The following SLC6A6 variants were observed in gnomAD, a reference collection of about 807,000 sequenced individuals.
The protein encoded by SLC6A6 is solute carrier family 6 member 6, also known as sodium- and chloride-dependent taurine transporter.
In SLC6A6, 16 loss-of-function variants were observed where a neutral mutation model predicts 68.8. The observed-to-expected ratio is 0.23, with a 90% CI of 0.16 to 0.35. The LOEUF (loss-of-function observed/expected upper bound fraction) is 0.35. SLC6A6 is among the 10% of genes least tolerant of loss of function. The pLI is 1.00. For missense variants in SLC6A6, 474 were observed against 802.8 expected, an observed-to-expected ratio of 0.59 and a Z score of 4.95; for synonymous variants, 312 against 315.4, an observed-to-expected ratio of 0.99 and a Z score of 0.12.
rs760135556 is a variant in SLC6A6 at position 14,450,030 on chromosome 3, G to A, written c.599+2214G>A. Among the ~76,000 whole-genome samples, 1 of 152,186 alleles carries A rather than the reference G, an allele frequency of 6.6e-6. No individual in the cohort carries two copies. The highest frequency in any genetic ancestry group is 1.5e-5 in the Non-Finnish European group (1 of 68,020). On this transcript the variant is annotated intron_variant, in intron 5 of 14. Transcript: ENST00000622186. The surrounding 1 kb of genome is among the most constrained non-coding windows in gnomAD (Gnocchi z 4.1). ...CTCCCAAAGTGCTGGGATTACAGGC[G>A]TGAGCCACTGTGCCTGGCCAGAATC...
intron 2 of SLC6A6, among the ~76,000 whole-genome samples, chr3:14,424,975 C>T (rs1699561172): frequency 6.6e-6 from 1 of 152,200 alleles, no homozygotes; most frequent in African/African-American, 2.4e-5. Flanking sequence ...TGTGGCAGAT[C>T]TGGAGCCCAG....
At chr3:14,416,875 A>C (rs1289858037) in intron 2 of SLC6A6, among the ~76,000 whole-genome samples, 1 of 152,126 alleles carries the variant, frequency 6.6e-6, no homozygotes, top group Admixed American at 6.5e-5. Context: ...ACAGGGTCAC[A>C]CTCTGTCGCC....
At chr3:14,440,623 G>A (rs560216879) in intron 2 of SLC6A6, among the ~76,000 whole-genome samples, 19 of 152,286 alleles carry the variant, frequency 1.2e-4, no homozygotes, top group Non-Finnish European at 2.2e-4. Flanking sequence ...GATCAGGGGC[G>A]GGCAGAGTAG....
rs551328494 is a variant in SLC6A6 at position 14,427,002 on chromosome 3, T to C, written c.-12+10549T>C. Reference sequence around the variant, plus strand: ...CAGAGCGTTCTTATGTGGTGTACTTTCCTGGAAAACACAGCCTCCCAGCAC... The same window carrying C: ...CAGAGCGTTCTTATGTGGTGTACTTCCCTGGAAAACACAGCCTCCCAGCAC... On this transcript the variant is annotated intron_variant, in intron 2 of 14. Transcript: ENST00000622186. Among the ~76,000 whole-genome samples, 51 of 152,242 alleles carry C rather than the reference T, an allele frequency of 3.3e-4. 1 individual carries two copies. The highest frequency in any genetic ancestry group is 5.5e-4 in the African/African-American group (23 of 41,520).
chr3:14,412,383 G>A (rs920793830), intron 1 of SLC6A6, among the ~76,000 whole-genome samples: 4 of 152,122 alleles, frequency 2.6e-5, no homozygotes, highest in African/African-American at 4.8e-5. Context: ...TTTAAAAAAA[G>A]AAAAGCAAAA....
chr3:14,409,565 G>A (rs149194895), intron 1 of SLC6A6, among the ~76,000 whole-genome samples: 106 of 152,372 alleles, frequency 7.0e-4, no homozygotes, highest in African/African-American at 2.3e-3. Flanking sequence ...CACGGCAAAC[G>A]TTCATGAGTG....
chr3:14,409,963 G>A (rs569835513), intron 1 of SLC6A6, among the ~76,000 whole-genome samples: 106 of 152,234 alleles, frequency 7.0e-4, no homozygotes, highest in African/African-American at 1.4e-3. Context: ...CCAGGCGGGC[G>A]GATCACGAGG....
At position 14,450,175 on chromosome 3, in the gene SLC6A6, C is replaced by T. The variant is rs775208774; in HGVS notation, c.599+2359C>T. 1.3e-5 allele frequency among the ~76,000 whole-genome samples: 2 copies of T among 152,062 alleles called. No individual in the cohort carries two copies. The highest frequency in any genetic ancestry group is 4.8e-5 in the African/African-American group (2 of 41,406). On this transcript the variant is annotated intron_variant, in intron 5 of 14. Transcript: ENST00000622186. The surrounding 1 kb of genome is among the most constrained non-coding windows in gnomAD (Gnocchi z 4.1). ...TAAAGGGGTCATCCTCTTCTGGGCT[C>T]TGCTTGTCTCGCTGTTGTCTAGGAC...
intron 2 of SLC6A6, among the ~76,000 whole-genome samples, chr3:14,425,036 C>T (rs1047595026): frequency 1.3e-5 from 2 of 152,236 alleles, no homozygotes; most frequent in African/African-American, 2.4e-5. Context: ...TAAGAAGGGG[C>T]GGAGTCAAGG....
chr3:14,452,534 C>T (rs1038372669), intron 5 of SLC6A6, among the ~76,000 whole-genome samples: 2 of 152,182 alleles, frequency 1.3e-5, no homozygotes, highest in Admixed American at 6.5e-5. Flanking sequence ...GCCCAGAGCC[C>T]GGGCCAGGCT....
intron 2 of SLC6A6, among the ~76,000 whole-genome samples, chr3:14,422,648 C>G (rs1046007483): frequency 6.6e-6 from 1 of 152,154 alleles, no homozygotes; most frequent in African/African-American, 2.4e-5. Flanking sequence ...CACCCCCACC[C>G]TCCTCCCAGC....
intron 3 of SLC6A6, chr3:14,444,879 G>A (rs1256807697): frequency 2.2e-6 from 1 of 454,766 alleles, no homozygotes; most frequent in East Asian, 7.0e-5. Context: ...AGGATCCCCT[G>A]CCCCAATGCT....
intron 6 of SLC6A6, among the ~76,000 whole-genome samples, chr3:14,459,883 CTTTTTTTTTTT>C (rs869191764): frequency 1.2e-4 from 5 of 40,178 alleles, no homozygotes; most frequent in African/African-American, 4.8e-4. Flanking sequence ...TAATTCTCTT[CTTTTTTTTTTT>C]TTTTTTTTTT....
chr3:14,454,031 C>T (rs1700312011), intron 5 of SLC6A6, among the ~76,000 whole-genome samples: 3 of 152,204 alleles, frequency 2.0e-5, no homozygotes, highest in South Asian at 4.1e-4. Flanking sequence ...CCTTTACACC[C>T]GTTCACCTGT....
chr3:14,481,706 C>T lies in SLC6A6; in HGVS notation c.1587C>T (p.Pro529=), dbSNP rs779896975. Residue 529 remains proline (P), a synonymous_variant, in exon 14 of 15, where the codon CCC becomes CCT. Transcript: ENST00000622186. This position sits in a 1 kb window ranked among gnomAD's most constrained non-coding sequence, Gnocchi z 4.7. ...CFIFSLVKYV[P]LTYNKTYVYP... ...TCTTCTCGCTCGTCAAGTACGTACC[C>T]CTGACCTACAACAAAACATACGTGT... is the stretch of plus-strand genomic sequence containing the variant. 1 of 1,613,876 alleles carries T rather than the reference C, an allele frequency of 6.2e-7. No individual in the cohort carries two copies.
intron 3 of SLC6A6, among the ~76,000 whole-genome samples, chr3:14,445,263 A>AC (rs1553573465): frequency 1.3e-5 from 2 of 151,096 alleles, no homozygotes; most frequent in Non-Finnish European, 3.0e-5. Flanking sequence ...TCTACTAAAA[A>AC]ACAAAAAATT....
chr3:14,448,287 T>G (rs917369884), intron 5 of SLC6A6: 19 of 185,544 alleles, frequency 1.0e-4, no homozygotes, highest in South Asian at 5.4e-4. Context: ...TCCCCAGACT[T>G]GGCGGCCTTA....
intron 2 of SLC6A6, among the ~76,000 whole-genome samples, chr3:14,422,562 C>T (rs1212739587): frequency 6.6e-6 from 1 of 152,124 alleles, no homozygotes; most frequent in Non-Finnish European, 1.5e-5. Context: ...CCAGGCCCCA[C>T]CCCAGCTTGG....
At chr3:14,421,180 C>T (rs548586223) in intron 2 of SLC6A6, among the ~76,000 whole-genome samples, 1 of 152,306 alleles carries the variant, frequency 6.6e-6, no homozygotes, top group Non-Finnish European at 1.5e-5. Flanking sequence ...ACAATTCATC[C>T]CAGAGAAGCA....
Sources: allele counts gnomAD v4.1 joint callset (sites outside exome capture counted in the v4.1 genomes callset), GRCh38; gene constraint gnomAD v4.1.1; non-coding constraint Gnocchi (gnomAD v3.1); transcripts MANE v1.5; gene names NCBI Gene and HGNC (gene_info 2026-07-23, HGNC 2026-07-21).